ADGRL2: variants seen among roughly 807,000 people sequenced by gnomAD.
The protein encoded by ADGRL2 is adhesion G protein-coupled receptor L2.
In ADGRL2, 44 loss-of-function variants were observed where a neutral mutation model predicts 157.4. That is an observed-to-expected ratio of 0.28 (90% CI 0.22 to 0.36). The LOEUF (loss-of-function observed/expected upper bound fraction) is 0.36, where lower values mean the gene tolerates loss of function less well. Among genes scored for constraint, ADGRL2 ranks in the 10% least tolerant of loss-of-function variants. ADGRL2 has a pLI of 1.00. For synonymous variants in ADGRL2, 585 were observed against 624.7 expected (o/e 0.94, Z 0.95); for missense variants, 1,510 against 1,768.9 (o/e 0.85, Z 2.63).
intron 2 of ADGRL2, among the ~76,000 whole-genome samples, chr1:81,851,733 T>TC (rs2093013032): frequency 2.5e-5 from 2 of 78,836 alleles, no homozygotes; most frequent in Non-Finnish European, 5.1e-5. Flanking sequence ...GCCACTTAAA[T>TC]TTGTGTGTGT....
At chr1:81,475,598 T>C (rs561097215) in intron 2 of ADGRL2, among the ~76,000 whole-genome samples, 4 of 152,294 alleles carry the variant, frequency 2.6e-5, no homozygotes, top group Admixed American at 6.5e-5. Flanking sequence ...TGCTAAAACC[T>C]TTAATAATTT....
intron 3 of ADGRL2, among the ~76,000 whole-genome samples, chr1:81,669,975 C>G (rs2082839716): frequency 6.9e-6 from 1 of 145,346 alleles, no homozygotes. Flanking sequence ...GACACCTAAA[C>G]TAATCTAGGA....
intron 1 of ADGRL2, among the ~76,000 whole-genome samples, chr1:81,830,905 T>C (rs1476171369): frequency 6.6e-6 from 1 of 152,232 alleles, no homozygotes. Context: ...TGATCTAATA[T>C]ATGACAGATC....
At chr1:81,468,988 G>A (rs990940958) in intron 2 of ADGRL2, among the ~76,000 whole-genome samples, 5 of 152,094 alleles carry the variant, frequency 3.3e-5, no homozygotes, top group Non-Finnish European at 7.4e-5. Flanking sequence ...TTAATAAACC[G>A]CACTTCCCAC....
intron 1 of ADGRL2, among the ~76,000 whole-genome samples, chr1:81,358,567 A>C (rs976255732): frequency 6.6e-6 from 1 of 152,138 alleles, no homozygotes; most frequent in African/African-American, 2.4e-5. Context: ...GAACATATGA[A>C]ATTTTCTTTC....
intron 2 of ADGRL2, among the ~76,000 whole-genome samples, chr1:81,481,048 T>G (rs1338585688): frequency 6.6e-6 from 1 of 152,142 alleles, no homozygotes; most frequent in Admixed American, 6.5e-5. Context: ...TAAATACAAA[T>G]TAAAGAAATT....
intron 1 of ADGRL2, among the ~76,000 whole-genome samples, chr1:81,729,576 A>G (rs1055353262): frequency 2.0e-5 from 3 of 152,066 alleles, no homozygotes; most frequent in African/African-American, 7.2e-5. Flanking sequence ...TATTTTTTCC[A>G]TCTTTTTCAT....
At chr1:81,661,313 A>T (rs1267328891) in intron 3 of ADGRL2, among the ~76,000 whole-genome samples, 2 of 152,210 alleles carry the variant, frequency 1.3e-5, no homozygotes, top group East Asian at 3.9e-4. Flanking sequence ...CAGCCAAAGC[A>T]ATATTCCAGA....
chr1:81,746,316 T>C (rs1232232459), intron 1 of ADGRL2, among the ~76,000 whole-genome samples: 1 of 152,102 alleles, frequency 6.6e-6, no homozygotes, highest in Non-Finnish European at 1.5e-5. Flanking sequence ...TGAGACAGGG[T>C]CTTGCTCTGT....
chr1:81,818,160 C>A (rs934964996), intron 1 of ADGRL2, among the ~76,000 whole-genome samples: 18 of 148,744 alleles, frequency 1.2e-4, no homozygotes, highest in Admixed American at 6.3e-4. Context: ...ACAGACCTCT[C>A]AGAAAAAAAA....
At chr1:81,486,887 CA>C (rs2078515166) in intron 2 of ADGRL2, among the ~76,000 whole-genome samples, 1 of 151,988 alleles carries the variant, frequency 6.6e-6, no homozygotes, top group Admixed American at 6.6e-5. Context: ...TAAGACTTTA[CA>C]AATGTAGCAG....
chr1:81,800,288 A>G (rs947949001), upstream of ADGRL2: 17 of 152,214 alleles, frequency 1.1e-4, no homozygotes, highest in Non-Finnish European at 1.8e-4. Context: ...AATCATCGCA[A>G]TTTAAAAAAA....
At chr1:81,514,860 A>C (rs1188957546) in intron 2 of ADGRL2, 1 of 152,238 alleles carries the variant, frequency 6.6e-6, no homozygotes, top group Non-Finnish European at 1.5e-5. Context: ...GTGTACTTGC[A>C]GATAGGCATA....
At chr1:81,832,845 A>G (rs2092042840) in intron 1 of ADGRL2, among the ~76,000 whole-genome samples, 1 of 152,212 alleles carries the variant, frequency 6.6e-6, no homozygotes, top group South Asian at 2.1e-4. Context: ...GACTTACTGA[A>G]GGAAAACTCC....
chr1:81,662,250 T>C (rs1302529761), intron 3 of ADGRL2, among the ~76,000 whole-genome samples: 1 of 136,072 alleles, frequency 7.3e-6, no homozygotes, highest in Non-Finnish European at 1.6e-5. Flanking sequence ...GTCTCATTCA[T>C]TCTTTTTTTT....
chr1:81,836,074 A>T (rs700035), intron 1 of ADGRL2, among the ~76,000 whole-genome samples: 4 of 151,914 alleles, frequency 2.6e-5, no homozygotes, highest in Non-Finnish European at 5.9e-5. Context: ...TTTGTTTTCT[A>T]AATTTTCTTT....
intron 3 of ADGRL2, among the ~76,000 whole-genome samples, chr1:81,688,254 C>T (rs2083269189): frequency 6.6e-6 from 1 of 152,090 alleles, no homozygotes; most frequent in Non-Finnish European, 1.5e-5. Context: ...GATTATTCCC[C>T]CAAATATGTT....
At chr1:81,658,755 T>C (rs538216565) in intron 3 of ADGRL2, among the ~76,000 whole-genome samples, 2 of 150,074 alleles carry the variant, frequency 1.3e-5, no homozygotes, top group East Asian at 3.9e-4. Context: ...TGCTAGTTCC[T>C]TTTTTTTTCT....
In ADGRL2 at chr1:81,474,244, G is replaced by A. The variant is rs553422754; in HGVS notation, c.-248+29155G>A. Among the ~76,000 whole-genome samples the A allele has an allele frequency of 1.6e-4, 25 of 152,256 alleles. No homozygotes were observed. The South Asian group carries it at 3.3e-3, about 20-fold the overall frequency. ...CCTATGGAATATGCCTGAGTTTAGC[G>A]GCAGAAAAGAATCATTATGTTTATT... On this transcript the variant is annotated intron_variant, in intron 2 of 24. Coordinates refer to the ADGRL2 transcript ENST00000370721.
Sources: allele counts gnomAD v4.1 joint callset (sites outside exome capture counted in the v4.1 genomes callset), GRCh38; gene constraint gnomAD v4.1.1; transcripts MANE v1.5; gene names NCBI Gene and HGNC (gene_info 2026-07-23, HGNC 2026-07-21).